SLAMF1: variants seen among roughly 807,000 people sequenced by gnomAD.
The protein encoded by SLAMF1 is signaling lymphocytic activation molecule.
Under a neutral mutation model 35.1 loss-of-function variants are expected in SLAMF1, and 18 were observed. The observed-to-expected ratio is 0.51, with a 90% CI of 0.35 to 0.76. SLAMF1 has a LOEUF of 0.76. Among genes scored for constraint, SLAMF1 ranks in the 30% least tolerant of loss-of-function variants. The pLI, the probability that SLAMF1 is intolerant of heterozygous loss-of-function variation, is 0.01. For missense variants in SLAMF1, 392 were observed against 413.0 expected, an observed-to-expected ratio of 0.95 and a Z score of 0.44; for synonymous variants, 168 against 157.2, an observed-to-expected ratio of 1.07 and a Z score of -0.51.
intron 3 of SLAMF1, among the ~76,000 whole-genome samples, chr1:160,628,662 C>T (rs1416858286): frequency 2.0e-5 from 3 of 152,050 alleles, no homozygotes; most frequent in Admixed American, 6.5e-5. Flanking sequence ...AATATGCACT[C>T]GATGAACTAA....
At chr1:160,613,914 T>C (rs1052223905) in intron 5 of SLAMF1, among the ~76,000 whole-genome samples, 4 of 152,252 alleles carry the variant, frequency 2.6e-5, no homozygotes, top group East Asian at 1.9e-4. Flanking sequence ...TGAGCTCCTA[T>C]AGTTATAAGT....
intron 1 of SLAMF1, 109 bp from the exon 2 acceptor site, chr1:160,637,638 A>G: frequency 1.3e-6 from 1 of 778,348 alleles, no homozygotes; most frequent in Non-Finnish European, 2.0e-6. Context: ...CTCTTTGGCT[A>G]TCCCTGGGGT....
intron 3 of SLAMF1, among the ~76,000 whole-genome samples, chr1:160,633,801 C>T (rs555279551): frequency 4.9e-4 from 74 of 152,316 alleles, no homozygotes; most frequent in South Asian, 3.5e-3. Context: ...GAAGAACAGT[C>T]AGAAGATGTA....
chr1:160,639,462 A>G (rs988886922), intron 1 of SLAMF1, among the ~76,000 whole-genome samples: 19 of 152,022 alleles, frequency 1.2e-4, no homozygotes, highest in African/African-American at 4.3e-4. Context: ...CCTGACCTCA[A>G]GTGATCTGCC....
At chr1:160,616,721 G>T (rs979601470) in intron 5 of SLAMF1, among the ~76,000 whole-genome samples, 32 of 152,170 alleles carry the variant, frequency 2.1e-4, no homozygotes, top group African/African-American at 7.5e-4. Context: ...CTTTAAGAAA[G>T]AATTTTAATA....
chr1:160,627,924 C>T (rs542632949), intron 3 of SLAMF1, among the ~76,000 whole-genome samples: 2 of 152,218 alleles, frequency 1.3e-5, no homozygotes, highest in South Asian at 4.2e-4. Flanking sequence ...GTGGTTTCCC[C>T]CATGTTGTTC....
In SLAMF1 at chr1:160,610,093, C is replaced by G; in HGVS notation, c.*655G>C. ...GGTTTCCAGTCCACTGTTCAAAACT[C>G]AGAGATCTCAAAATCATTCTTTCTG... On this transcript the variant is annotated 3_prime_UTR_variant, in exon 7 of 7. Transcript: ENST00000302035. 1 of 336,518 alleles carries G rather than the reference C, an allele frequency of 3.0e-6. No individual in the cohort carries two copies. Among genetic ancestry groups the G allele is most frequent in the South Asian group, 2.4e-5 (1 of 41,606 alleles). 20.8% of individuals were successfully genotyped at this position (336,518 alleles called of 1,614,324 possible).
intron 3 of SLAMF1, among the ~76,000 whole-genome samples, chr1:160,624,517 C>T (rs187724956): frequency 6.6e-6 from 1 of 152,346 alleles, no homozygotes; most frequent in African/African-American, 2.4e-5. Context: ...GTTTCTCCAT[C>T]TTAAGATTGC....
rs544033095 is a variant in SLAMF1 at position 160,634,019 on chromosome 1, C to T, written c.700+594G>A. ...ATTTATTATTTTTCCTCAAACTTCA[C>T]AGTCCAGGTCTTAGTCTCTCGTTCT... is the stretch of plus-strand genomic sequence containing the variant. On this transcript the variant is annotated intron_variant, in intron 3 of 6. Coordinates refer to ENST00000302035, the MANE Select transcript of SLAMF1 (RefSeq NM_003037.5). 2.6e-5 allele frequency among the ~76,000 whole-genome samples: 4 copies of T among 152,346 alleles called. No homozygotes were observed. In the South Asian group the frequency reaches 8.3e-4, roughly 32 times the overall value.
chr1:160,620,747 C>A (rs1364549426), intron 4 of SLAMF1, among the ~76,000 whole-genome samples: 1 of 152,192 alleles, frequency 6.6e-6, no homozygotes, highest in African/African-American at 2.4e-5. Flanking sequence ...TGTAGATCAG[C>A]TCTGTGCAAC....
chr1:160,640,227 T>C (rs1286354021), intron 1 of SLAMF1, among the ~76,000 whole-genome samples: 2 of 150,932 alleles, frequency 1.3e-5, no homozygotes, highest in East Asian at 3.9e-4. Context: ...GCTATGTGCT[T>C]AGTATATAGG....
chr1:160,625,638 A>T (rs2102305545), intron 3 of SLAMF1, among the ~76,000 whole-genome samples: 1 of 152,290 alleles, frequency 6.6e-6, no homozygotes, highest in East Asian at 1.9e-4. Flanking sequence ...CCCCTAAATT[A>T]AATGTTTTAA....
At chr1:160,633,638 C>A (rs1660275520) in intron 3 of SLAMF1, among the ~76,000 whole-genome samples, 1 of 152,192 alleles carries the variant, frequency 6.6e-6, no homozygotes, top group South Asian at 2.1e-4. Context: ...ACACCCTGGT[C>A]CTACAGTCCC....
intron 3 of SLAMF1, among the ~76,000 whole-genome samples, chr1:160,633,057 G>T (rs1389367754): frequency 6.6e-6 from 1 of 152,216 alleles, no homozygotes; most frequent in Non-Finnish European, 1.5e-5. Context: ...TAGAGATGAA[G>T]AATCTAAATC....
At chr1:160,634,208 G>A (rs1298718847) in intron 3 of SLAMF1, 1 of 152,840 alleles carries the variant, frequency 6.5e-6, no homozygotes, top group Non-Finnish European at 1.5e-5. Flanking sequence ...TTCTTACCAG[G>A]TAGGTGATCA....
chr1:160,637,698 A>G (rs1660531497), intron 1 of SLAMF1, among the ~76,000 whole-genome samples, 169 bp from the exon 2 acceptor site: 1 of 152,174 alleles, frequency 6.6e-6, no homozygotes, highest in Admixed American at 6.5e-5. Context: ...TCCCCACTAT[A>G]TTCTCAATAC....
chr1:160,631,090 CTT>C (rs1176061727), intron 3 of SLAMF1, among the ~76,000 whole-genome samples: 1 of 152,164 alleles, frequency 6.6e-6, no homozygotes, highest in Non-Finnish European at 1.5e-5. Flanking sequence ...TCTTTTTTAT[CTT>C]TGTGTACTGG....
chr1:160,625,565 A>T (rs948534015), intron 3 of SLAMF1, among the ~76,000 whole-genome samples: 1 of 152,202 alleles, frequency 6.6e-6, no homozygotes, highest in Non-Finnish European at 1.5e-5. Flanking sequence ...CCTTTCACAC[A>T]TCAAGTTAGC....
chr1:160,610,916 G>T (rs980315420), intron 6 of SLAMF1, 118 bp from the exon 7 acceptor site: 11 of 819,888 alleles, frequency 1.3e-5, no homozygotes, highest in African/African-American at 3.4e-5. Context: ...GCTTGTGCAG[G>T]GTCTGTCACA....
Sources: gnomAD v4.1 joint callset for allele counts (sites outside exome capture counted in the v4.1 genomes callset) on GRCh38, gnomAD v4.1.1 for gene constraint, MANE v1.5 for transcripts, NCBI Gene and HGNC (gene_info 2026-07-23, HGNC 2026-07-21) for gene names.